NEURL1: variants seen among roughly 807,000 people sequenced by gnomAD.
NEURL1 encodes the protein E3 ubiquitin-protein ligase NEURL1.
A neutral mutation model predicts 41.2 loss-of-function variants in NEURL1; 26 were observed. The ratio of observed to expected loss-of-function variants is 0.63; its 90% CI spans 0.46 to 0.87. The LOEUF (loss-of-function observed/expected upper bound fraction) is 0.87. Ranked by LOEUF, NEURL1 falls within the 40% of genes least tolerant of loss-of-function variation. NEURL1 has a pLI of 0.00. For missense variants in NEURL1, 761 were observed against 871.1 expected, an observed-to-expected ratio of 0.87 and a Z score of 1.59; for synonymous variants, 400 against 402.3, an observed-to-expected ratio of 0.99 and a Z score of 0.07.
At chr10:103,567,557 C>G (rs934634345) in intron 1 of NEURL1, among the ~76,000 whole-genome samples, 2 of 152,104 alleles carry the variant, frequency 1.3e-5, no homozygotes, top group African/African-American at 4.8e-5. Flanking sequence ...CCACCACATT[C>G]AGCTAATTTT....
At chr10:103,512,691 A>G (rs1240740706) in intron 1 of NEURL1, among the ~76,000 whole-genome samples, 2 of 152,240 alleles carry the variant, frequency 1.3e-5, no homozygotes, top group Non-Finnish European at 2.9e-5. Context: ...CAGCGCCCGC[A>G]GGGTTGGGCT....
At chr10:103,501,654 C>T (rs182806200) in intron 1 of NEURL1, among the ~76,000 whole-genome samples, 8 of 36,118 alleles carry the variant, frequency 2.2e-4, no homozygotes, top group South Asian at 1.5e-3. Context: ...TATTTTGAGA[C>T]GGAGTTTCCC....
chr10:103,555,461 C>G (rs760215843), intron 1 of NEURL1: 3 of 1,328,544 alleles, frequency 2.3e-6, no homozygotes, highest in Non-Finnish European at 3.0e-6. Context: ...AGCCCGAGAC[C>G]GCCTGGGGAG....
At chr10:103,542,038 G>A (rs1038536445) in intron 1 of NEURL1, among the ~76,000 whole-genome samples, 1 of 152,172 alleles carries the variant, frequency 6.6e-6, no homozygotes, top group African/African-American at 2.4e-5. Context: ...AGGGGTTCCA[G>A]CACATTTCCC....
chr10:103,508,759 G>A lies in NEURL1; in HGVS notation c.85+14287G>A, dbSNP rs1008260410. Among the ~76,000 whole-genome samples the A allele has an allele frequency of 1.3e-5, 2 of 152,160 alleles. No homozygotes were observed. Among genetic ancestry groups the A allele is most frequent in the East Asian group, 3.9e-4 (2 of 5,188 alleles). On this transcript the variant is annotated intron_variant, in intron 1 of 5. Coordinates refer to ENST00000369780, the MANE Select transcript of NEURL1 (RefSeq NM_004210.5). This position sits in a 1 kb window ranked among gnomAD's most constrained non-coding sequence, Gnocchi z 4.3. ...AGAATGCCACTCACATGAAAGTTTC[G>A]GCCTCAGAGGGCAGCCCGCCAGGAA...
At chr10:103,572,992 C>CTT (rs554119594) in intron 3 of NEURL1, among the ~76,000 whole-genome samples, 11 of 146,470 alleles carry the variant, frequency 7.5e-5, no homozygotes, top group African/African-American at 1.8e-4. Context: ...GGTTGAAAAC[C>CTT]TTTTTTTTTT....
At chr10:103,507,873 C>T (rs994023275) in intron 1 of NEURL1, among the ~76,000 whole-genome samples, 7 of 152,174 alleles carry the variant, frequency 4.6e-5, no homozygotes, top group Non-Finnish European at 7.3e-5. Context: ...TCAGGTGGCT[C>T]GCCTCCCTGT....
chr10:103,547,091 T>C (rs147363432), intron 1 of NEURL1, among the ~76,000 whole-genome samples: 1 of 152,370 alleles, frequency 6.6e-6, no homozygotes, highest in Non-Finnish European at 1.5e-5. Context: ...GCTCATTTCA[T>C]CTACCCAGTA....
chr10:103,497,008 G>T (rs567681821), intron 1 of NEURL1, among the ~76,000 whole-genome samples: 2 of 152,098 alleles, frequency 1.3e-5, no homozygotes, highest in African/African-American at 4.8e-5. Context: ...TGGGAATTTT[G>T]ATCCCGCCCC....
At chr10:103,557,642 G>A (rs569547648) in intron 1 of NEURL1, among the ~76,000 whole-genome samples, 6 of 152,320 alleles carry the variant, frequency 3.9e-5, no homozygotes, top group African/African-American at 1.4e-4. Flanking sequence ...TGTCCACACA[G>A]CCAACCTCCA....
In NEURL1 at chr10:103,590,491, T is replaced by A; in HGVS notation, c.*119T>A. 2 of 758,588 alleles carry A rather than the reference T, an allele frequency of 2.6e-6. No individual in the cohort carries two copies. The highest frequency in any genetic ancestry group is 4.3e-6 in the Non-Finnish European group (2 of 460,688). The allele number at this position is 758,588 out of a possible 1,614,324, so 47.0% of individuals were successfully genotyped here. On this transcript the variant is annotated 3_prime_UTR_variant, in exon 6 of 6. Coordinates refer to ENST00000369780, the MANE Select transcript of NEURL1 (RefSeq NM_004210.5). The stretch of plus-strand genomic sequence containing the variant: ...ATTTTGGAAACTTTTCCTCCTCTAT[T>A]AAACATGGGAAACTGAAGCCCTTGA...
chr10:103,568,313 C>A (rs1453204191), intron 1 of NEURL1, among the ~76,000 whole-genome samples: 1 of 152,236 alleles, frequency 6.6e-6, no homozygotes, highest in Non-Finnish European at 1.5e-5. Context: ...CTTCCAGGAG[C>A]TGGGTCTCTG....
rs1161929794 is a variant in NEURL1, at chr10:103,566,929, A to G, written c.86-3943A>G. Reference sequence around the variant, plus strand: ...TGCCATGTATTGCCCTGTGTGCTACATGAGATGGTTTTGGGTGGTACATAA... The same window carrying G: ...TGCCATGTATTGCCCTGTGTGCTACGTGAGATGGTTTTGGGTGGTACATAA... On this transcript the variant is annotated intron_variant, in intron 1 of 5. Coordinates refer to ENST00000369780, the MANE Select transcript of NEURL1 (RefSeq NM_004210.5). The surrounding 1 kb of genome is among the most constrained non-coding windows in gnomAD (Gnocchi z 4.2). Among the ~76,000 whole-genome samples, 1 of 151,884 alleles carries G rather than the reference A, an allele frequency of 6.6e-6. No individual in the cohort carries two copies.
chr10:103,533,699 G>T (rs2034626104), intron 1 of NEURL1, among the ~76,000 whole-genome samples: 2 of 152,084 alleles, frequency 1.3e-5, no homozygotes, highest in South Asian at 4.2e-4. Context: ...ATCACACCCG[G>T]CTAATTTTTT....
rs544170185 is a variant in NEURL1, at chr10:103,545,715, C to G, written c.86-25157C>G. Among the ~76,000 whole-genome samples the G allele has an allele frequency of 3.3e-5, 5 of 152,350 alleles. No homozygotes were observed. Among genetic ancestry groups the G allele is most frequent in the Non-Finnish European group, 5.9e-5 (4 of 68,030 alleles). On this transcript the variant is annotated intron_variant, in intron 1 of 5. Coordinates refer to ENST00000369780, the MANE Select transcript of NEURL1 (RefSeq NM_004210.5). This position sits in a 1 kb window ranked among gnomAD's most constrained non-coding sequence, Gnocchi z 4.5. ...CCTATTTTTTGAGCCAAGCCAAGCCCTCTGCTCCTGCAAGGGACTGCCACA... is the reference window on the plus strand; with the variant it reads ...CCTATTTTTTGAGCCAAGCCAAGCCGTCTGCTCCTGCAAGGGACTGCCACA...
Position 103,584,988 on chromosome 10 carries a change from G to T in NEURL1, c.1102G>T (p.Ala368Ser), listed in dbSNP as rs1039881509. Reference sequence around the variant, plus strand: ...GTGCGACCCCGGCACGCTGCGGCCGGCCGACCTGCCTTTCAGCCCTGAGGC... The same window carrying T: ...GTGCGACCCCGGCACGCTGCGGCCGTCCGACCTGCCTTTCAGCCCTGAGGC... ...TTCDPGTLRPADLPFSPEALV... is the reference protein window; with the variant it reads ...TTCDPGTLRPSDLPFSPEALV... Residue 368 changes from alanine to serine, a missense_variant, in exon 4 of 6, where the codon GCC (alanine) becomes TCC (serine). Physicochemically the swap from Ala to Ser is moderately conservative, Grantham distance 99. This residue lies in a region of NEURL1 where 443 missense variants were observed against 408.1 expected (regional missense o/e 1.09). Coordinates refer to ENST00000369780, the MANE Select transcript of NEURL1 (RefSeq NM_004210.5). 14 of 1,543,138 alleles carry T rather than the reference G, an allele frequency of 9.1e-6. No individual in the cohort carries two copies. Among genetic ancestry groups the T allele is most frequent in the Non-Finnish European group, 1.2e-5 (14 of 1,154,444 alleles).
chr10:103,509,717 T>C (rs1020604338), intron 1 of NEURL1, among the ~76,000 whole-genome samples: 2 of 152,158 alleles, frequency 1.3e-5, no homozygotes, highest in African/African-American at 4.8e-5. Context: ...GATTCAGGAC[T>C]TTTTCTGAAA....
chr10:103,512,887 C>A (rs2034106578), intron 1 of NEURL1, among the ~76,000 whole-genome samples: 1 of 152,134 alleles, frequency 6.6e-6, no homozygotes, highest in Admixed American at 6.5e-5. Context: ...CTTCTCTCCC[C>A]TCTTCCCTCC....
chr10:103,499,610 C>A (rs2986050), intron 1 of NEURL1, among the ~76,000 whole-genome samples: 123,914 of 151,724 alleles, frequency 0.82, 50,979 homozygotes, highest in East Asian at 1. Flanking sequence ...GACCACAGGC[C>A]CACGCCACCA....
Sources: gnomAD v4.1 joint callset for allele counts (sites outside exome capture counted in the v4.1 genomes callset) on GRCh38, gnomAD v4.1.1 for gene constraint, gnomAD v4.1.1 regional missense constraint, Gnocchi (gnomAD v3.1) non-coding constraint, MANE v1.5 for transcripts, NCBI Gene and HGNC (gene_info 2026-07-23, HGNC 2026-07-21) for gene names.